KRT23: variants seen among roughly 807,000 people sequenced by gnomAD.
The protein encoded by KRT23 is keratin 23.
In KRT23, 38 loss-of-function variants were observed where a neutral mutation model predicts 47.6. That is an observed-to-expected ratio of 0.80 (90% CI 0.62 to 1.05). The LOEUF (loss-of-function observed/expected upper bound fraction) is 1.05. Among genes scored for constraint, KRT23 ranks in the 50% least tolerant of loss-of-function variants. The probability of loss-of-function intolerance (pLI) is 0.00; values close to 1 mark genes in which losing one functional copy is unlikely to be tolerated. For synonymous variants in KRT23, 191 were observed against 199.0 expected (o/e 0.96, Z 0.34); for missense variants, 503 against 529.5 (o/e 0.95, Z 0.49).
At chr17:40,934,104 G>T (rs534674393) in intron 2 of KRT23, among the ~76,000 whole-genome samples, 4 of 152,178 alleles carry the variant, frequency 2.6e-5, no homozygotes, top group Non-Finnish European at 4.4e-5. Flanking sequence ...TCAACCTTTT[G>T]AGTGATATTT....
intron 6 of KRT23, among the ~76,000 whole-genome samples, chr17:40,927,134 C>A (rs937524853): frequency 1.3e-5 from 2 of 152,188 alleles, no homozygotes; most frequent in African/African-American, 4.8e-5. Context: ...AGCTCTTCAC[C>A]CTGGTGCATC....
rs1910113376 is a variant in KRT23 at position 40,936,785 on chromosome 17, A to C, written c.-182T>G. 3 of 511,436 alleles carry C rather than the reference A, an allele frequency of 5.9e-6. No individual in the cohort carries two copies. In the East Asian group the frequency reaches 1.0e-4, roughly 17 times the overall value. The allele number at this position is 511,436 out of a possible 1,614,324, so 31.7% of individuals were successfully genotyped here. On this transcript the variant is annotated 5_prime_UTR_variant, in exon 2 of 9. Transcript: ENST00000209718. ...TTGTGTTTCCTCTTGGTCAATCCCAAAGTGCCCCTGGGCCTTCGCACACTG... is the reference window on the plus strand; with the variant it reads ...TTGTGTTTCCTCTTGGTCAATCCCACAGTGCCCCTGGGCCTTCGCACACTG...
intron 2 of KRT23, among the ~76,000 whole-genome samples, chr17:40,931,803 T>C (rs1380359027): frequency 6.6e-6 from 1 of 152,238 alleles, no homozygotes; most frequent in African/African-American, 2.4e-5. Flanking sequence ...CTTTTTAGGT[T>C]ATGGACATGT....
intron 2 of KRT23, 53 bp downstream of exon 2, chr17:40,936,144 TCCTCCCGAGGG>T: frequency 6.3e-7 from 1 of 1,580,220 alleles, no homozygotes; most frequent in African/African-American, 1.4e-5. Flanking sequence ...GACTCATTTT[TCCTCCCGAGGG>T]TCCCCTGGCA....
chr17:40,937,045 CAAA>C (rs71981814), intron 1 of KRT23, 92 bp from the exon 2 acceptor site: 1 of 154,560 alleles, frequency 6.5e-6, no homozygotes, highest in African/African-American at 2.7e-5. Flanking sequence ...AAAACCAAAA[CAAA>C]ACAACAACAA....
At chr17:40,933,084 C>A (rs183596848) in intron 2 of KRT23, among the ~76,000 whole-genome samples, 369 of 152,290 alleles carry the variant, frequency 2.4e-3, no homozygotes, top group Non-Finnish European at 4.7e-3. Context: ...TGAATTTGTT[C>A]AGAAAAAAGT....
At chr17:40,925,710 G>T in intron 6 of KRT23, 136 bp from the exon 7 acceptor site, 1 of 676,920 alleles carries the variant, frequency 1.5e-6, no homozygotes, top group East Asian at 2.7e-5. Context: ...AAGATGAGAA[G>T]TAGGCTGACT....
intron 3 of KRT23, 93 bp downstream of exon 3, chr17:40,931,280 G>A (rs1909657560): frequency 1.1e-6 from 1 of 877,572 alleles, no homozygotes; most frequent in Non-Finnish European, 1.9e-6. Flanking sequence ...AAAGTGCTGG[G>A]ATTACAGGTG....
chr17:40,931,492 A>C, intron 2 of KRT23, 37 bp from the exon 3 acceptor site: 1,338 of 1,432,728 alleles, frequency 9.3e-4, no homozygotes, highest in Non-Finnish European at 1.2e-3. Flanking sequence ...AGGTTATCTC[A>C]CTTGGACACA....
In KRT23 at chr17:40,922,709, G is replaced by C. The variant is rs530079611; in HGVS notation, c.*280C>G. The C allele has an allele frequency of 6.9e-6, 2 of 288,998 alleles. No individual in the cohort carries two copies. Among genetic ancestry groups the C allele is most frequent in the South Asian group, 1.1e-4 (2 of 18,342 alleles). The allele number at this position is 288,998 out of a possible 1,614,324, so 17.9% of individuals were successfully genotyped here. The stretch of plus-strand genomic sequence containing the variant: ...AAAAAGACACGATGCAGCTAGTGCG[G>C]AGTTTTATTGGCTACAAAATAGATG... On this transcript the variant is annotated 3_prime_UTR_variant, in exon 9 of 9. Coordinates refer to ENST00000209718, the MANE Select transcript of KRT23 (RefSeq NM_015515.5).
In KRT23 at chr17:40,922,864, AAAAAT is replaced by A; in HGVS notation, c.*120_*124del. 1 of 685,030 alleles carries A rather than the reference AAAAAT, an allele frequency of 1.5e-6. No homozygotes were observed. Among genetic ancestry groups the A allele is most frequent in the Non-Finnish European group, 2.5e-6 (1 of 396,108 alleles). The allele number at this position is 685,030 out of a possible 1,614,324, so 42.4% of individuals were successfully genotyped here. Reference sequence around the variant, plus strand: ...GTCTGGTGAGACTGTTACAGAAAAAAAAAATAAAAGTTTCTGAGTCTGATAATTCC... The same window carrying A: ...GTCTGGTGAGACTGTTACAGAAAAAAAAAAGTTTCTGAGTCTGATAATTCC... On this transcript the variant is annotated 3_prime_UTR_variant, in exon 9 of 9. Transcript: ENST00000209718.
chr17:40,927,055 C>T (rs983982491), intron 6 of KRT23, among the ~76,000 whole-genome samples: 7 of 152,154 alleles, frequency 4.6e-5, no homozygotes, highest in Non-Finnish European at 1.0e-4. Context: ...ACATCAAGCA[C>T]CTCCTTACCT....
Position 40,925,373 on chromosome 17 carries a change from G to C in KRT23, c.1123C>G (p.Leu375Val). The change falls in exon 7 of 9, where the codon CTG (leucine) becomes GTG (valine). Residue 375 changes from leucine (L) to valine (V), a missense_variant. Leu to Val is a conservative substitution (Grantham distance 32). Transcript: ENST00000209718. ...EKEITTYRRL[L>V]EGESEGTREE... ...CCTTACCCTTCACTCTCTCCCTCCA[G>C]GAGCCGTCGGTACGTGGTGATTTCC... The C allele has an allele frequency of 6.2e-7, 1 of 1,613,500 alleles. No homozygotes were observed. Among genetic ancestry groups the C allele is most frequent in the Non-Finnish European group, 8.5e-7 (1 of 1,179,996 alleles).
Position 40,926,967 on chromosome 17 carries a change from C to T in KRT23, c.921+1271G>A, listed in dbSNP as rs193077966. Among the ~76,000 whole-genome samples, 233 of 152,266 alleles carry T rather than the reference C, an allele frequency of 1.5e-3. 1 individual carries two copies. Among genetic ancestry groups the T allele is most frequent in the Non-Finnish European group, 2.9e-3 (197 of 68,028 alleles). Reference sequence around the variant, plus strand: ...AGCCACATGGACTTCCCTGCTGCTCCTCCAACTCATCAGACACACTTGTGC... The same window carrying T: ...AGCCACATGGACTTCCCTGCTGCTCTTCCAACTCATCAGACACACTTGTGC... On this transcript the variant is annotated intron_variant, in intron 6 of 8. Transcript: ENST00000209718.
In KRT23 at chr17:40,926,860, C is replaced by T. The variant is rs191756297; in HGVS notation, c.922-1286G>A. On this transcript the variant is annotated intron_variant, in intron 6 of 8. Coordinates refer to ENST00000209718, the MANE Select transcript of KRT23 (RefSeq NM_015515.5). ...ACTGTCTGGTTCTGTTGGGACTCCG[C>T]GGCCTCACCCTGTCTTCCTCCCTCT... is the stretch of plus-strand genomic sequence containing the variant. Among the ~76,000 whole-genome samples, 903 of 152,178 alleles carry T rather than the reference C, an allele frequency of 5.9e-3. 6 individuals are homozygous for T. Among genetic ancestry groups the T allele is most frequent in the Non-Finnish European group, 9.9e-3 (671 of 67,994 alleles).
intron 6 of KRT23, among the ~76,000 whole-genome samples, chr17:40,926,258 A>G (rs1909217365): frequency 6.6e-6 from 1 of 152,198 alleles, no homozygotes; most frequent in South Asian, 2.1e-4. Context: ...TCTGAAGCGC[A>G]TAATTTTAAC....
intron 7 of KRT23, among the ~76,000 whole-genome samples, 166 bp from the exon 8 acceptor site, chr17:40,924,669 G>C (rs730929): frequency 2.0e-5 from 3 of 152,080 alleles, no homozygotes. Context: ...GGGAGAACCC[G>C]TCTGGATACA....
At position 40,928,279 on chromosome 17, in the gene KRT23, A is replaced by G; in HGVS notation, c.880T>C (p.Phe294Leu). 6.2e-7 allele frequency: 1 copy of G among 1,614,150 alleles called. No individual in the cohort carries two copies. The highest frequency in any genetic ancestry group is 8.5e-7 in the Non-Finnish European group (1 of 1,180,016). The change falls in exon 6 of 9, where the codon TTC (phenylalanine) becomes CTC (leucine). Residue 294 changes from phenylalanine to leucine, a missense_variant. By Grantham distance (22) the Phe-to-Leu change is conservative. Coordinates refer to ENST00000209718, the MANE Select transcript of KRT23 (RefSeq NM_015515.5). The stretch of plus-strand genomic sequence containing the variant: ...TGCAGGTCAATCTCCAGGGCCTGGA[A>G]TGTGCGCTTCAGTTCGTGGATGTCA... ...QGDIHELKRT[F>L]QALEIDLQTQ...
intron 6 of KRT23, among the ~76,000 whole-genome samples, chr17:40,926,749 C>T (rs1475057045): frequency 6.6e-6 from 1 of 152,214 alleles, no homozygotes; most frequent in African/African-American, 2.4e-5. Flanking sequence ...CTCTGCTCTC[C>T]TTCAGCTACA....
Sources: gnomAD v4.1 joint callset for allele counts (sites outside exome capture counted in the v4.1 genomes callset) on GRCh38, gnomAD v4.1.1 for gene constraint, MANE v1.5 for transcripts, NCBI Gene and HGNC (gene_info 2026-07-23, HGNC 2026-07-21) for gene names.